The following OCIAD1 variants were observed in gnomAD, a reference collection of about 807,000 sequenced individuals.
OCIAD1 encodes OCIA domain-containing protein 1.
Under a neutral mutation model 38.9 loss-of-function variants are expected in OCIAD1, and 29 were observed. The ratio of observed to expected loss-of-function variants is 0.74; its 90% CI spans 0.55 to 1.02. The LOEUF (loss-of-function observed/expected upper bound fraction) is 1.02, where lower values mean the gene tolerates loss of function less well. OCIAD1 is among the 50% of genes least tolerant of loss of function. The pLI, the probability that OCIAD1 is intolerant of heterozygous loss-of-function variation, is 0.00. For synonymous variants in OCIAD1, 110 were observed against 92.0 expected, an observed-to-expected ratio of 1.20 and a Z score of -1.12; for missense variants, 288 against 289.6, an observed-to-expected ratio of 0.99 and a Z score of 0.04.
intron 1 of OCIAD1, among the ~76,000 whole-genome samples, chr4:48,807,328 A>G (rs956025354): frequency 6.6e-6 from 1 of 152,092 alleles, no homozygotes; most frequent in Non-Finnish European, 1.5e-5. Context: ...CAAAAAGAAA[A>G]AAAAAAAAAT....
At chr4:48,823,257 G>A (rs1055170263) in intron 1 of OCIAD1, among the ~76,000 whole-genome samples, 15 of 152,096 alleles carry the variant, frequency 9.9e-5, no homozygotes, top group Non-Finnish European at 7.4e-5. Context: ...GGTTGAAGCT[G>A]GAAACCATCA....
chr4:48,858,971 A>T (rs913102117), intron 8 of OCIAD1, among the ~76,000 whole-genome samples: 1 of 152,230 alleles, frequency 6.6e-6, no homozygotes, highest in East Asian at 1.9e-4. Flanking sequence ...TTTTCTCTTA[A>T]GGAATTTCAG....
chr4:48,848,364 A>G (rs756842793), intron 4 of OCIAD1, 35 bp from the exon 5 acceptor site: 38 of 1,021,522 alleles, frequency 3.7e-5, no homozygotes, highest in Non-Finnish European at 5.6e-5. Flanking sequence ...TTTCTGTAAC[A>G]GTGTTACTCA....
chr4:48,851,657 CAG>C, intron 6 of OCIAD1, 147 bp from the exon 7 acceptor site: 1 of 425,878 alleles, frequency 2.3e-6, no homozygotes, highest in Non-Finnish European at 4.0e-6. Flanking sequence ...GCCTGGGTGA[CAG>C]AGCAAGACCC....
At chr4:48,833,704 ATAATAG>A (rs974494326) in intron 3 of OCIAD1, among the ~76,000 whole-genome samples, 1 of 152,370 alleles carries the variant, frequency 6.6e-6, no homozygotes, top group East Asian at 1.9e-4. Context: ...AATTTTGTTG[ATAATAG>A]TAATAGTTAG....
At position 48,816,638 on chromosome 4, in the gene OCIAD1, T is replaced by C. The variant is rs144434615; in HGVS notation, c.-103+11308T>C. ...ATCTTTTAAAACTTGGGCTTGCTTC[T>C]CAAAATACAACTTCTTAACTGTTTA... On this transcript the variant is annotated intron_variant, in intron 1 of 6. Transcript: ENST00000504654. 1.0e-3 allele frequency among the ~76,000 whole-genome samples: 159 copies of C among 152,324 alleles called. 1 individual carries two copies. The highest frequency in any genetic ancestry group is 3.7e-3 in the African/African-American group (154 of 41,584).
chr4:48,812,577 C>T (rs574439068), intron 1 of OCIAD1, among the ~76,000 whole-genome samples: 55 of 152,106 alleles, frequency 3.6e-4, no homozygotes, highest in Non-Finnish European at 5.9e-4. Flanking sequence ...GACTGTCAAA[C>T]GCTTTAGAAT....
chr4:48,824,830 G>A (rs567710649), intron 1 of OCIAD1, among the ~76,000 whole-genome samples: 1 of 152,080 alleles, frequency 6.6e-6, no homozygotes, highest in Admixed American at 6.5e-5. Context: ...TGATCTCCTG[G>A]GCTGAAGTGG....
At chr4:48,812,817 C>G (rs1777104690) in intron 1 of OCIAD1, among the ~76,000 whole-genome samples, 1 of 152,144 alleles carries the variant, frequency 6.6e-6, no homozygotes, top group African/African-American at 2.4e-5. Context: ...TGGGATTTTT[C>G]TTGCTGTTAA....
Position 48,831,614 on chromosome 4 carries a change from C to T in OCIAD1, c.-6+365C>T. The T allele has an allele frequency of 2.6e-6, 3 of 1,171,002 alleles. No homozygotes were observed. The South Asian group carries it at 3.8e-5, about 15-fold the overall frequency. 72.5% of individuals were successfully genotyped at this position (1,171,002 alleles called of 1,614,324 possible). A position where few individuals can be genotyped will look rare whatever the true frequency, so the allele number is the denominator to read the frequency against. The stretch of plus-strand genomic sequence containing the variant: ...CTTAAAATGGTATTGTCTTAAGCGC[C>T]GTGTCAGCCCTGACAGTCTTCCTGG... On this transcript the variant is annotated intron_variant, in intron 1 of 8. Coordinates refer to ENST00000264312, the MANE Select transcript of OCIAD1 (RefSeq NM_017830.4).
intron 7 of OCIAD1, 78 bp from the exon 8 acceptor site, chr4:48,857,135 G>A (rs1165534381): frequency 1.3e-6 from 1 of 785,750 alleles, no homozygotes; most frequent in Non-Finnish European, 1.9e-6. Flanking sequence ...CCTTTTGTAA[G>A]GAGCATTTGT....
intron 1 of OCIAD1, among the ~76,000 whole-genome samples, chr4:48,812,750 C>G (rs1170344855): frequency 6.6e-6 from 1 of 152,088 alleles, no homozygotes; most frequent in African/African-American, 2.4e-5. Context: ...ATAATTCTTT[C>G]AAGGAGTTTT....
chr4:48,859,680 G>A (rs569348186), intron 8 of OCIAD1, among the ~76,000 whole-genome samples: 9 of 152,228 alleles, frequency 5.9e-5, no homozygotes, highest in African/African-American at 1.9e-4. Flanking sequence ...TTAAAGAAAA[G>A]ACTTGTTATG....
At chr4:48,854,652 A>G (rs987639345) in intron 7 of OCIAD1, among the ~76,000 whole-genome samples, 3 of 152,150 alleles carry the variant, frequency 2.0e-5, no homozygotes, top group African/African-American at 4.8e-5. Flanking sequence ...ATATTATTTT[A>G]TGCCTTCCAC....
rs1780550142 is a variant in OCIAD1, at chr4:48,860,893, G to A, written c.*131G>A. 1.4e-6 allele frequency: 1 copy of A among 713,878 alleles called. No homozygotes were observed. The highest frequency in any genetic ancestry group is 2.5e-6 in the Non-Finnish European group (1 of 404,962). 44.2% of individuals were successfully genotyped at this position (713,878 alleles called of 1,614,324 possible). A position where few individuals can be genotyped will look rare whatever the true frequency, so the allele number is the denominator to read the frequency against. On this transcript the variant is annotated 3_prime_UTR_variant, in exon 9 of 9. Transcript: ENST00000264312. The stretch of plus-strand genomic sequence containing the variant: ...TAAAACAAGATCCTGGGTTTTTGTG[G>A]TTTGACTTCTATGGTGTTTTAAAAA...
chr4:48,825,504 G>T (rs1777240587), intron 1 of OCIAD1, among the ~76,000 whole-genome samples: 2 of 152,146 alleles, frequency 1.3e-5, no homozygotes, highest in South Asian at 4.1e-4. Flanking sequence ...GCTGAATTTT[G>T]CTTATCATTC....
At chr4:48,832,706 A>G in intron 2 of OCIAD1, 24 bp downstream of exon 2, 2 of 1,558,276 alleles carry the variant, frequency 1.3e-6, no homozygotes, top group Non-Finnish European at 1.8e-6. Flanking sequence ...AAGTATTTAT[A>G]ATTAGAAGCA....
chr4:48,858,894 G>A (rs1397429908), intron 8 of OCIAD1, among the ~76,000 whole-genome samples: 1 of 152,182 alleles, frequency 6.6e-6, no homozygotes, highest in Non-Finnish European at 1.5e-5. Context: ...TTTGATACAA[G>A]TTTACCTCTA....
At position 48,825,624 on chromosome 4, in the gene OCIAD1, C is replaced by G. The variant is rs1344224241; in HGVS notation, c.-102-4953C>G. On this transcript the variant is annotated intron_variant, in intron 1 of 6. Transcript: ENST00000504654. ...ATAATGCAGGAAACTGGCCCATGGT[C>G]TCTGCCCACAGACTGCTGCAAAGGC... is the stretch of plus-strand genomic sequence containing the variant. Among the ~76,000 whole-genome samples the G allele has an allele frequency of 2.0e-5, 3 of 152,206 alleles. No homozygotes were observed. In the East Asian group the frequency reaches 5.8e-4, roughly 29 times the overall value.
Sources: allele counts gnomAD v4.1 joint callset (sites outside exome capture counted in the v4.1 genomes callset), GRCh38; gene constraint gnomAD v4.1.1; transcripts MANE v1.5; gene names NCBI Gene and HGNC (gene_info 2026-07-23, HGNC 2026-07-21).